PPFIBP1: variants seen among roughly 807,000 people sequenced by gnomAD.
PPFIBP1 encodes PPFIB scaffold protein 1, also known as liprin-beta-1.
In PPFIBP1, 112 loss-of-function variants were observed where a neutral mutation model predicts 137.8. The observed-to-expected ratio is 0.81, with a 90% CI of 0.70 to 0.95. The LOEUF (loss-of-function observed/expected upper bound fraction) is 0.95. Ranked by LOEUF, PPFIBP1 falls within the 40% of genes least tolerant of loss-of-function variation. The pLI is 0.00. For synonymous variants in PPFIBP1, 378 were observed against 417.3 expected (o/e 0.91, Z 1.15); for missense variants, 1,083 against 1,196.6 (o/e 0.91, Z 1.40).
intron 6 of PPFIBP1, among the ~76,000 whole-genome samples, chr12:27,649,699 C>A (rs1405032597): frequency 6.6e-6 from 1 of 152,016 alleles, no homozygotes; most frequent in African/African-American, 2.4e-5. Context: ...TACAGGCACC[C>A]GCCACTATGC....
rs770909737 is a variant in PPFIBP1 at position 27,657,528 on chromosome 12, A to G, written c.811+798A>G. ...ATTCCAGTTAGCGTAGCTTTGTTAC[A>G]TTTTTATCCATTTTATGAACATTAG... On this transcript the variant is annotated intron_variant, in intron 9 of 29. Transcript: ENST00000228425. 7.9e-5 allele frequency among the ~76,000 whole-genome samples: 12 copies of G among 151,196 alleles called. 1 individual carries two copies. Among genetic ancestry groups the G allele is most frequent in the Non-Finnish European group, 1.5e-4 (10 of 67,882 alleles).
intron 2 of PPFIBP1, among the ~76,000 whole-genome samples, chr12:27,610,535 A>T (rs1467174955): frequency 6.6e-6 from 1 of 152,226 alleles, no homozygotes; most frequent in Non-Finnish European, 1.5e-5. Context: ...TTCATCTGAC[A>T]TGTTTGCTCT....
At chr12:27,600,498 C>G (rs923512363) in intron 2 of PPFIBP1, among the ~76,000 whole-genome samples, 4 of 151,904 alleles carry the variant, frequency 2.6e-5, no homozygotes, top group African/African-American at 9.7e-5. Flanking sequence ...TGACAAACGC[C>G]TGTGTACTTA....
chr12:27,667,426 A>G (rs1370700510), intron 13 of PPFIBP1, 106 bp downstream of exon 13: 11 of 1,019,478 alleles, frequency 1.1e-5, no homozygotes, highest in South Asian at 2.8e-5. Flanking sequence ...TCTCAGTTCC[A>G]TCACCAACTC....
chr12:27,604,458 G>A (rs1472816801), intron 2 of PPFIBP1, among the ~76,000 whole-genome samples: 2 of 152,206 alleles, frequency 1.3e-5, no homozygotes, highest in Non-Finnish European at 2.9e-5. Context: ...ATTCTCATCA[G>A]TCATCACAGA....
chr12:27,671,094 G>A (rs1027949605), intron 13 of PPFIBP1, among the ~76,000 whole-genome samples: 5 of 151,714 alleles, frequency 3.3e-5, no homozygotes, highest in Admixed American at 3.3e-4. Flanking sequence ...CTTGAGCCGA[G>A]GAGTTCAAGA....
intron 7 of PPFIBP1, 136 bp from the exon 8 acceptor site, chr12:27,654,586 C>T: frequency 1.8e-6 from 2 of 1,109,004 alleles, no homozygotes; most frequent in East Asian, 5.8e-5. Context: ...CATTTATTTC[C>T]ATTTGTCTCA....
At chr12:27,574,182 T>C (rs1056878912) in intron 1 of PPFIBP1, among the ~76,000 whole-genome samples, 22 of 152,014 alleles carry the variant, frequency 1.4e-4, no homozygotes, top group Admixed American at 1.4e-3. Flanking sequence ...CAGGAAGTGG[T>C]GGGGGTGATT....
chr12:27,692,337 A>G (rs1392263780), intron 28 of PPFIBP1, among the ~76,000 whole-genome samples: 1 of 152,176 alleles, frequency 6.6e-6, no homozygotes, highest in Non-Finnish European at 1.5e-5. Flanking sequence ...GTGGGACCGC[A>G]TATTTCCCCT....
intron 1 of PPFIBP1, among the ~76,000 whole-genome samples, chr12:27,560,002 A>C (rs2049028998): frequency 6.6e-6 from 1 of 152,248 alleles, no homozygotes. Context: ...CTTTAATGAT[A>C]AAATACAATC....
chr12:27,600,638 G>A (rs76916867), intron 2 of PPFIBP1, among the ~76,000 whole-genome samples: 26 of 151,250 alleles, frequency 1.7e-4, no homozygotes, highest in Non-Finnish European at 3.5e-4. Flanking sequence ...TCCCTCCTGA[G>A]CATTATTCTG....
intron 2 of PPFIBP1, chr12:27,594,158 A>G: frequency 2.3e-6 from 1 of 432,950 alleles, no homozygotes; most frequent in Non-Finnish European, 3.8e-6. Context: ...CAAAAACATT[A>G]TCCATCCCCT....
chr12:27,687,564 A>G, intron 25 of PPFIBP1, 57 bp downstream of exon 25: 1 of 1,549,064 alleles, frequency 6.5e-7, no homozygotes, highest in Non-Finnish European at 8.7e-7. Context: ...GGGACTGTCC[A>G]TGTGTCGAAA....
At chr12:27,644,184 C>A (rs1221391899) in intron 4 of PPFIBP1, among the ~76,000 whole-genome samples, 1 of 151,364 alleles carries the variant, frequency 6.6e-6, no homozygotes, top group African/African-American at 2.4e-5. Context: ...TCAAGTGATC[C>A]CCCTCCCTCA....
intron 1 of PPFIBP1, among the ~76,000 whole-genome samples, chr12:27,574,945 C>T (rs533219546): frequency 1.8e-4 from 28 of 152,164 alleles, no homozygotes; most frequent in Middle Eastern, 3.4e-3. Context: ...AAGTTCCCAA[C>T]GAATATCACA....
chr12:27,633,380 C>T lies in PPFIBP1; in HGVS notation c.-17C>T, dbSNP rs745552799. On this transcript the variant is annotated 5_prime_UTR_variant, in exon 3 of 30. Transcript: ENST00000228425. ...TTTTCAGATCTGGGTTGGAATTTGC[C>T]CCTGACAAATAATAAAATGATGAGT... The T allele has an allele frequency of 3.1e-6, 5 of 1,612,616 alleles. No homozygotes were observed. The highest frequency in any genetic ancestry group is 4.2e-6 in the Non-Finnish European group (5 of 1,179,126).
At position 27,676,596 on chromosome 12, in the gene PPFIBP1, T is replaced by A. The variant is rs771940996; in HGVS notation, c.1579T>A (p.Leu527Ile). Residue 527 changes from leucine (L) to isoleucine (I), a missense_variant, in exon 18 of 30, where the codon TTA (leucine) becomes ATA (isoleucine). By Grantham distance (5) the Leu-to-Ile change is conservative. Transcript: ENST00000228425. ...SNKRTASAPN[L>I]DRKRSASAPT... ...CAAGAGAACAGCAAGTGCACCAAAC[T>A]TAGGTACGTATGACCAAAATGCCTT... is the stretch of plus-strand genomic sequence containing the variant. 6.4e-7 allele frequency: 1 copy of A among 1,573,986 alleles called. No homozygotes were observed. The highest frequency in any genetic ancestry group is 8.6e-7 in the Non-Finnish European group (1 of 1,158,038).
Position 27,650,085 on chromosome 12 carries a change from C to T in PPFIBP1, c.547C>T (p.Leu183=), listed in dbSNP as rs746216603. The T allele has an allele frequency of 5.0e-6, 8 of 1,608,328 alleles. No homozygotes were observed. In the East Asian group the frequency reaches 1.6e-4, roughly 31 times the overall value. ...TGAAATATCTAACTTGAAGTTGAAA[C>T]TGACAGCTGTAGAGAAGGACAGATT... ...MAEISNLKLK[L]TAVEKDRLDY... is the part of the protein sequence containing the mutation. The change falls in exon 7 of 30, where the codon CTG becomes TTG. Residue 183 remains leucine, a synonymous_variant. Coordinates refer to ENST00000228425, the MANE Select transcript of PPFIBP1 (RefSeq NM_003622.4).
At chr12:27,654,393 G>A (rs188808581) in intron 7 of PPFIBP1, 80 of 175,282 alleles carry the variant, frequency 4.6e-4, no homozygotes, top group African/African-American at 1.6e-3. Flanking sequence ...ATAGCACTCT[G>A]TGAAATAGCA....
Sources: gnomAD v4.1 joint callset for allele counts (sites outside exome capture counted in the v4.1 genomes callset) on GRCh38, gnomAD v4.1.1 for gene constraint, MANE v1.5 for transcripts, NCBI Gene and HGNC (gene_info 2026-07-23, HGNC 2026-07-21) for gene names.